ADARB2: variants seen among roughly 807,000 people sequenced by gnomAD.
The protein encoded by ADARB2 is adenosine deaminase RNA specific B2 (inactive), also known as inactive double-stranded RNA-specific editase B2.
ADARB2 carries 25 observed loss-of-function variants against 62.2 expected under a neutral mutation model. The observed-to-expected ratio is 0.40, with a 90% CI of 0.29 to 0.56. The LOEUF (loss-of-function observed/expected upper bound fraction) is 0.56. Ranked by LOEUF, ADARB2 falls within the 20% of genes least tolerant of loss-of-function variation. The pLI, the probability that ADARB2 is intolerant of heterozygous loss-of-function variation, is 0.43. For synonymous variants in ADARB2, 572 were observed against 500.8 expected (o/e 1.14, Z -1.90); for missense variants, 1,071 against 1,077.4 (o/e 0.99, Z 0.08).
At chr10:1,649,553 A>G (rs1475606217) in intron 1 of ADARB2, among the ~76,000 whole-genome samples, 2 of 152,208 alleles carry the variant, frequency 1.3e-5, no homozygotes, top group African/African-American at 2.4e-5. Flanking sequence ...TACACAAGGT[A>G]TGGGTGTCTC....
At chr10:1,327,857 G>GTTCAGCAT in intron 3 of ADARB2, among the ~76,000 whole-genome samples, 1 of 86,074 alleles carries the variant, frequency 1.2e-5, no homozygotes, top group African/African-American at 4.7e-5. Context: ...CCTCCTCACA[G>GTTCAGCAT]CTCAGCGCCT....
intron 1 of ADARB2, among the ~76,000 whole-genome samples, chr10:1,425,454 C>G (rs749469959): frequency 6.6e-6 from 1 of 152,224 alleles, no homozygotes; most frequent in Non-Finnish European, 1.5e-5. Flanking sequence ...AAGTTTGTAT[C>G]CTTCAAGCAA....
At chr10:1,518,784 C>T (rs531490119) in intron 1 of ADARB2, among the ~76,000 whole-genome samples, 117 of 150,370 alleles carry the variant, frequency 7.8e-4, no homozygotes, top group African/African-American at 2.9e-3. Flanking sequence ...TGTGGTCATA[C>T]GCCTATATTC....
At chr10:1,382,260 A>T (rs925621776) in intron 1 of ADARB2, among the ~76,000 whole-genome samples, 6 of 152,216 alleles carry the variant, frequency 3.9e-5, no homozygotes, top group African/African-American at 1.4e-4. Context: ...AGTGCAGTGG[A>T]CTTCAGATTT....
chr10:1,436,200 T>C (rs535662926), intron 1 of ADARB2, among the ~76,000 whole-genome samples: 1 of 152,350 alleles, frequency 6.6e-6, no homozygotes, highest in African/African-American at 2.4e-5. Context: ...TCTATTCAAA[T>C]AGAGCAGCTC....
intron 1 of ADARB2, among the ~76,000 whole-genome samples, chr10:1,625,835 A>G (rs908801724): frequency 9.5e-6 from 1 of 105,526 alleles, no homozygotes; most frequent in Admixed American, 1.0e-4. Flanking sequence ...ATCACCCAGC[A>G]CAGCCATGCC....
chr10:1,663,912 C>G (rs1179824610), intron 1 of ADARB2, among the ~76,000 whole-genome samples: 1 of 152,232 alleles, frequency 6.6e-6, no homozygotes, highest in African/African-American at 2.4e-5. Flanking sequence ...GCCACCACGC[C>G]TGGCCAGGTC....
At chr10:1,233,635 C>T (rs563356514) in intron 6 of ADARB2, 59 bp downstream of exon 6, 1 of 1,544,880 alleles carries the variant, frequency 6.5e-7, no homozygotes, top group East Asian at 2.3e-5. Context: ...AGGACAGAGT[C>T]CCAGATAGAG....
intron 1 of ADARB2, among the ~76,000 whole-genome samples, chr10:1,630,130 G>C (rs1833823796): frequency 1.3e-5 from 2 of 152,286 alleles, no homozygotes; most frequent in Non-Finnish European, 2.9e-5. Context: ...TTGGCTTTGA[G>C]TGTTTCATCT....
At chr10:1,318,221 G>A (rs1251322476) in intron 3 of ADARB2, among the ~76,000 whole-genome samples, 1 of 152,230 alleles carries the variant, frequency 6.6e-6, no homozygotes, top group African/African-American at 2.4e-5. Context: ...CACCCACAGA[G>A]AAGCGTGTAG....
At chr10:1,280,894 G>A (rs985742461) in intron 3 of ADARB2, among the ~76,000 whole-genome samples, 9 of 152,188 alleles carry the variant, frequency 5.9e-5, no homozygotes, top group South Asian at 2.1e-4. Flanking sequence ...ATGGAGCCAC[G>A]AGAGGGTTGG....
At chr10:1,394,328 C>A (rs1832593493) in intron 1 of ADARB2, among the ~76,000 whole-genome samples, 1 of 152,148 alleles carries the variant, frequency 6.6e-6, no homozygotes, top group Admixed American at 6.5e-5. Context: ...CGCCATCCAC[C>A]CGGGGCCCAG....
chr10:1,583,631 T>C (rs533231861), intron 1 of ADARB2, among the ~76,000 whole-genome samples: 1 of 152,294 alleles, frequency 6.6e-6, no homozygotes, highest in East Asian at 1.9e-4. Context: ...ATAGGAAGAC[T>C]CAGTATTTTT....
Position 1,477,269 on chromosome 10 carries a change from G to A in ADARB2, c.101-98109C>T, listed in dbSNP as rs987024042. 1.1e-4 allele frequency among the ~76,000 whole-genome samples: 17 copies of A among 152,298 alleles called. 1 individual carries two copies. Among genetic ancestry groups the A allele is most frequent in the South Asian group, 4.2e-4 (2 of 4,816 alleles). On this transcript the variant is annotated intron_variant, in intron 1 of 9. Coordinates refer to ENST00000381312, the MANE Select transcript of ADARB2 (RefSeq NM_018702.4). This position sits in a 1 kb window ranked among gnomAD's most constrained non-coding sequence, Gnocchi z 4.5. ...ATTAGTAAGTAACGTTGAGGAAGGC[G>A]CTACAGGTCGGGGAGAACAGTTGTT...
intron 4 of ADARB2, among the ~76,000 whole-genome samples, chr10:1,260,550 C>G (rs1363710741): frequency 6.6e-6 from 1 of 151,806 alleles, no homozygotes; most frequent in Non-Finnish European, 1.5e-5. Context: ...CTCCCATTCA[C>G]AATTGCTTCA....
intron 1 of ADARB2, among the ~76,000 whole-genome samples, chr10:1,712,207 T>C (rs1017149697): frequency 7.2e-5 from 11 of 152,332 alleles, no homozygotes; most frequent in Admixed American, 3.9e-4. Flanking sequence ...ACAATGACTA[T>C]TTTCTTTTTA....
intron 1 of ADARB2, among the ~76,000 whole-genome samples, chr10:1,572,148 C>T (rs1001796955): frequency 1.3e-5 from 2 of 148,644 alleles, no homozygotes; most frequent in Admixed American, 6.7e-5. Flanking sequence ...GGTGAGTGGA[C>T]AGGTGAGTGT....
At chr10:1,712,248 C>G (rs1365628769) in intron 1 of ADARB2, among the ~76,000 whole-genome samples, 7 of 152,154 alleles carry the variant, frequency 4.6e-5, no homozygotes, top group South Asian at 2.1e-4. Flanking sequence ...TCCTGACACA[C>G]AGTAATTGCT....
intron 1 of ADARB2, among the ~76,000 whole-genome samples, chr10:1,594,817 A>G (rs1458502752): frequency 6.6e-6 from 1 of 152,200 alleles, no homozygotes; most frequent in Non-Finnish European, 1.5e-5. Flanking sequence ...GCAGAATTGC[A>G]CAATCCGGGC....
Sources: allele counts gnomAD v4.1 joint callset (sites outside exome capture counted in the v4.1 genomes callset), GRCh38; gene constraint gnomAD v4.1.1; non-coding constraint Gnocchi (gnomAD v3.1); transcripts MANE v1.5; gene names NCBI Gene and HGNC (gene_info 2026-07-23, HGNC 2026-07-21).